The following HJURP variants were observed in gnomAD, a reference collection of about 807,000 sequenced individuals.
HJURP encodes the protein 14-3-3-associated AKT substrate.
Under a neutral mutation model 72.0 loss-of-function variants are expected in HJURP, and 49 were observed. The observed-to-expected ratio is 0.68, with a 90% CI of 0.54 to 0.86. The LOEUF (loss-of-function observed/expected upper bound fraction) is 0.86, where lower values mean the gene tolerates loss of function less well. Among genes scored for constraint, HJURP ranks in the 40% least tolerant of loss-of-function variants. The pLI, the probability that HJURP is intolerant of heterozygous loss-of-function variation, is 0.00. For synonymous variants in HJURP, 357 were observed against 347.1 expected, an observed-to-expected ratio of 1.03 and a Z score of -0.32; for missense variants, 908 against 936.3, an observed-to-expected ratio of 0.97 and a Z score of 0.39.
At chr2:233,853,982 G>T in intron 1 of HJURP, 72 bp from the exon 2 acceptor site, 1 of 1,398,940 alleles carries the variant, frequency 7.1e-7, no homozygotes, top group Non-Finnish European at 1.0e-6. Flanking sequence ...AGGAGGCGGC[G>T]CCAGCCCGTG....
In HJURP at chr2:233,852,555, C is replaced by G. The variant is rs769692397; in HGVS notation, c.240+10G>C. ...AAGGTTATTTGGCAATAAAATTTGA[C>G]ACTAAATACCTGGATCTCTCCTTCG... On this transcript the variant is annotated intron_variant, in intron 3 of 8. Coordinates refer to ENST00000411486, the MANE Select transcript of HJURP (RefSeq NM_018410.5). 10 of 1,578,050 alleles carry G rather than the reference C, an allele frequency of 6.3e-6. No individual in the cohort carries two copies. Among genetic ancestry groups the G allele is most frequent in the African/African-American group, 2.7e-5 (2 of 74,518 alleles).
chr2:233,838,913 C>T (rs937745143), intron 8 of HJURP, among the ~76,000 whole-genome samples: 5 of 152,202 alleles, frequency 3.3e-5, no homozygotes, highest in Admixed American at 1.3e-4. Flanking sequence ...GGGCATCAGG[C>T]ACACAGTTGG....
In HJURP at chr2:233,854,475, T is replaced by A. The variant is rs774050082; in HGVS notation, c.26A>T (p.Glu9Val). Reference protein sequence around the residue: MLGTLRAMEGEDVEDDQLL... With the variant: MLGTLRAMVGEDVEDDQLL... Reference sequence around the variant, plus strand: ...CTGGTCGTCTTCCACGTCCTCGCCCTCCATGGCGCGCAGCGTACCCAGCAT... The same window carrying A: ...CTGGTCGTCTTCCACGTCCTCGCCCACCATGGCGCGCAGCGTACCCAGCAT... Residue 9 changes from glutamate to valine, a missense_variant, in exon 1 of 9, where the codon GAG (glutamate) becomes GTG (valine). Coordinates refer to ENST00000411486, the MANE Select transcript of HJURP (RefSeq NM_018410.5). 1 of 1,611,862 alleles carries A rather than the reference T, an allele frequency of 6.2e-7. No individual in the cohort carries two copies. Among genetic ancestry groups the A allele is most frequent in the Non-Finnish European group, 8.5e-7 (1 of 1,179,014 alleles).
At chr2:233,847,307 C>T (rs1705385406) in intron 5 of HJURP, 90 bp downstream of exon 5, 2 of 981,744 alleles carry the variant, frequency 2.0e-6, no homozygotes, top group Admixed American at 1.8e-5. Context: ...GTGCAGGCAG[C>T]GCTGCCCGCC....
In HJURP at chr2:233,854,372, C is replaced by T. The variant is rs575095551; in HGVS notation, c.117+12G>A. The T allele has an allele frequency of 1.7e-5, 26 of 1,563,834 alleles. No homozygotes were observed. The East Asian group carries it at 4.6e-4, about 27-fold the overall frequency. On this transcript the variant is annotated intron_variant, in intron 1 of 8. Coordinates refer to ENST00000411486, the MANE Select transcript of HJURP (RefSeq NM_018410.5). ...CAGGCCTCCCCTCCCGGCGGACCGG[C>T]GGGGGCCGCACCTTCTCTATCAGCC...
At chr2:233,853,740 A>C in intron 2 of HJURP, 104 bp downstream of exon 2, 1 of 900,942 alleles carries the variant, frequency 1.1e-6, no homozygotes. Flanking sequence ...GGTTCCTATT[A>C]GTTAGGTGAA....
chr2:233,837,507 A>C lies in HJURP; in HGVS notation c.*70T>G. ...TCAACCAAGTCCTCACAGTCTCAAG[A>C]ATCAAAAACAAAACAAAAATACAAA... is the stretch of plus-strand genomic sequence containing the variant. On this transcript the variant is annotated 3_prime_UTR_variant, in exon 9 of 9. Transcript: ENST00000411486. 1 of 1,082,824 alleles carries C rather than the reference A, an allele frequency of 9.2e-7. No individual in the cohort carries two copies. Among genetic ancestry groups the C allele is most frequent in the South Asian group, 1.3e-5 (1 of 77,750 alleles). 67.1% of individuals were successfully genotyped at this position (1,082,824 alleles called of 1,614,324 possible). A position where few individuals can be genotyped will look rare whatever the true frequency, so the allele number is the denominator to read the frequency against.
Position 233,853,858 on chromosome 2 carries a change from T to C in HJURP, c.170A>G (p.Tyr57Cys). ...AAGACCCTTACCCTGTGGCGTCTCG[T>C]AGGTCAGCGTGGCCATTTGCACCAC... Reference protein sequence around the residue: ...TPVVQMATLTYETPQGLRIWG... With the variant: ...TPVVQMATLTCETPQGLRIWG... The change falls in exon 2 of 9, where the codon TAC (tyrosine) becomes TGC (cysteine). Residue 57 changes from tyrosine (Y) to cysteine (C), a missense_variant. This residue lies in a region of HJURP where 299 missense variants were observed against 286.7 expected (regional missense o/e 1.04). Transcript: ENST00000411486. 11 of 1,614,020 alleles carry C rather than the reference T, an allele frequency of 6.8e-6. No homozygotes were observed. Among genetic ancestry groups the C allele is most frequent in the East Asian group, 2.2e-5 (1 of 44,876 alleles).
At position 233,837,285 on chromosome 2, in the gene HJURP, AAAACAAACAAACAAACAAAC is replaced by A. The variant is rs76861089; in HGVS notation, c.*272_*291del. On this transcript the variant is annotated 3_prime_UTR_variant, in exon 9 of 9. Coordinates refer to ENST00000411486, the MANE Select transcript of HJURP (RefSeq NM_018410.5). ...TGGGCGATAGAGAGAGACTGTCTCA[AAAACAAACAAACAAACAAAC>A]AAACAAACAAATAACCCCCCCCCAA... 1 of 281,746 alleles carries A rather than the reference AAAACAAACAAACAAACAAAC, an allele frequency of 3.5e-6. No homozygotes were observed. Among genetic ancestry groups the A allele is most frequent in the Non-Finnish European group, 6.5e-6 (1 of 153,026 alleles). 17.5% of individuals were successfully genotyped at this position (281,746 alleles called of 1,614,324 possible).
chr2:233,840,608 C>T lies in HJURP; in HGVS notation c.2171+1G>A. On this transcript the variant is annotated splice_donor_variant, in intron 8 of 8. Transcript: ENST00000411486. LOFTEE classifies it high-confidence loss of function. ...CATTCAACCAACAGAAACACACCTA[C>T]CTCTCTTCTGAGTTGGGCTGTGAAG... The T allele has an allele frequency of 1.9e-6, 3 of 1,577,356 alleles. No individual in the cohort carries two copies. Among genetic ancestry groups the T allele is most frequent in the African/African-American group, 2.7e-5 (2 of 73,090 alleles).
In HJURP at chr2:233,837,556, T is replaced by C; in HGVS notation, c.*21A>G. The C allele has an allele frequency of 2.0e-6, 3 of 1,536,088 alleles. No homozygotes were observed. The highest frequency in any genetic ancestry group is 2.7e-6 in the Non-Finnish European group (3 of 1,113,118). Reference sequence around the variant, plus strand: ...AACAGAGAGCAAGTGGGAAGATAAATAACACTCCGAAATAACCTAGCTACA... The same window carrying C: ...AACAGAGAGCAAGTGGGAAGATAAACAACACTCCGAAATAACCTAGCTACA... On this transcript the variant is annotated 3_prime_UTR_variant, in exon 9 of 9. Coordinates refer to ENST00000411486, the MANE Select transcript of HJURP (RefSeq NM_018410.5).
In HJURP at chr2:233,854,479, T is replaced by C; in HGVS notation, c.22A>G (p.Met8Val). 2 of 1,612,098 alleles carry C rather than the reference T, an allele frequency of 1.2e-6. No individual in the cohort carries two copies. Among genetic ancestry groups the C allele is most frequent in the East Asian group, 4.5e-5 (2 of 44,676 alleles). The change falls in exon 1 of 9, where the codon ATG becomes GTG. Residue 8 changes from methionine to valine, a missense_variant. Transcript: ENST00000411486. ...TCGTCTTCCACGTCCTCGCCCTCCATGGCGCGCAGCGTACCCAGCATCGGA... is the reference window on the plus strand; with the variant it reads ...TCGTCTTCCACGTCCTCGCCCTCCACGGCGCGCAGCGTACCCAGCATCGGA... MLGTLRAMEGEDVEDDQL... is the reference protein window; with the variant it reads MLGTLRAVEGEDVEDDQL...
At chr2:233,842,967 A>C (rs1049239019) in intron 7 of HJURP, among the ~76,000 whole-genome samples, 5 of 152,252 alleles carry the variant, frequency 3.3e-5, no homozygotes, top group Non-Finnish European at 7.3e-5. Flanking sequence ...AGCCAGCCTG[A>C]AAGGGGCTCC....
At chr2:233,853,444 G>A (rs1249137379) in intron 2 of HJURP, among the ~76,000 whole-genome samples, 1 of 152,238 alleles carries the variant, frequency 6.6e-6, no homozygotes, top group African/African-American at 2.4e-5. Flanking sequence ...AGTATTCACA[G>A]TGCGGGGCGG....
intron 2 of HJURP, among the ~76,000 whole-genome samples, 192 bp downstream of exon 2, chr2:233,853,652 G>C (rs1444821126): frequency 6.6e-6 from 1 of 152,260 alleles, no homozygotes; most frequent in Non-Finnish European, 1.5e-5. Context: ...ATGTGAGCCA[G>C]GAGGCACCTA....
chr2:233,848,158 G>C (rs188487845), intron 4 of HJURP, among the ~76,000 whole-genome samples: 1 of 152,082 alleles, frequency 6.6e-6, no homozygotes, highest in Non-Finnish European at 1.5e-5. Context: ...CAAGGTGCCA[G>C]GAAAGGGACT....
chr2:233,844,324 G>C, intron 6 of HJURP, 41 bp from the exon 7 acceptor site: 4 of 1,505,636 alleles, frequency 2.7e-6, no homozygotes, highest in Non-Finnish European at 3.7e-6. Context: ...AAGTTGCCAG[G>C]TGTCAACTGG....
rs145861404 is a variant in HJURP at position 233,842,194 on chromosome 2, G to C, written c.586C>G (p.Arg196Gly). 3.1e-6 allele frequency: 5 copies of C among 1,608,906 alleles called. No individual in the cohort carries two copies. The South Asian group carries it at 4.4e-5, about 14-fold the overall frequency. Residue 196 changes from arginine to glycine, a missense_variant, in exon 8 of 9, where the codon CGT (arginine) becomes GGT (glycine). Arg to Gly is a moderately radical substitution (Grantham distance 125). Around this residue, in one of 3 missense-constraint regions of HJURP, gnomAD observed 299 missense variants for 286.7 expected, o/e 1.04. Coordinates refer to ENST00000411486, the MANE Select transcript of HJURP (RefSeq NM_018410.5). The part of the protein sequence containing the change: ...PAVPAPGYCS[R>G]ISRKSPGDPA... Reference sequence around the variant, plus strand: ...TCACCAGGACTCTTTCTGGAGATACGACTGCAGTATCCTGGGAGAAAAGAT... The same window carrying C: ...TCACCAGGACTCTTTCTGGAGATACCACTGCAGTATCCTGGGAGAAAAGAT...
intron 5 of HJURP, 53 bp downstream of exon 5, chr2:233,847,344 C>T (rs898531413): frequency 7.1e-7 from 1 of 1,402,854 alleles, no homozygotes; most frequent in Non-Finnish European, 1.0e-6. Flanking sequence ...TTGATGGACC[C>T]CTGAGCCCCC....
Sources: gnomAD v4.1 joint callset for allele counts (sites outside exome capture counted in the v4.1 genomes callset) on GRCh38, gnomAD v4.1.1 for gene constraint, gnomAD v4.1.1 regional missense constraint, MANE v1.5 for transcripts, NCBI Gene and HGNC (gene_info 2026-07-23, HGNC 2026-07-21) for gene names.